SIGLECL1: variants seen among roughly 807,000 people sequenced by gnomAD.
The protein encoded by SIGLECL1 is SIGLEC family-like protein 1.
A neutral mutation model predicts 19.1 loss-of-function variants in SIGLECL1; 16 were observed. That is an observed-to-expected ratio of 0.84 (90% CI 0.57 to 1.27). SIGLECL1 has a LOEUF of 1.27. Ranked by LOEUF, SIGLECL1 falls within the 50% of genes most tolerant of loss-of-function variation. The pLI is 0.00. For missense variants in SIGLECL1, 210 were observed against 239.4 expected, an observed-to-expected ratio of 0.88 and a Z score of 0.81; for synonymous variants, 89 against 90.4, an observed-to-expected ratio of 0.98 and a Z score of 0.09.
chr19:51,250,720 A>C (rs1982429662), upstream of SIGLECL1, among the ~76,000 whole-genome samples: 2 of 152,204 alleles, frequency 1.3e-5, no homozygotes, highest in Admixed American at 1.3e-4. Context: ...GCTGGGAAGA[A>C]AATTGGCCCA....
At position 51,251,098 on chromosome 19, in the gene SIGLECL1, G is replaced by C. The variant is rs372750726; in HGVS notation, c.-638G>C. ...GGTGGATGCACTCACCTAAGGATGC[G>C]AGCTAGCAGGTCTTGCAGCGGCTAT... On this transcript the variant is annotated 5_prime_UTR_variant, in exon 1 of 6. Transcript: ENST00000601727. 2.6e-5 allele frequency: 4 copies of C among 152,352 alleles called. No individual in the cohort carries two copies. The highest frequency in any genetic ancestry group is 1.3e-4 in the Admixed American group (2 of 15,300). 9.4% of individuals were successfully genotyped at this position (152,352 alleles called of 1,614,324 possible).
chr19:51,265,479 C>T lies in SIGLECL1; in HGVS notation c.134C>T (p.Pro45Leu). The change falls in exon 3 of 6, where the codon CCC becomes CTC. Residue 45 changes from proline (P) to leucine (L), a missense_variant. Pro to Leu is a moderately conservative substitution (Grantham distance 98). Coordinates refer to ENST00000601727, the MANE Select transcript of SIGLECL1 (RefSeq NM_001385465.1). ...PSVQWWMGGVPVGVDGMDGSL... is the reference protein window; with the variant it reads ...PSVQWWMGGVLVGVDGMDGSL... ...GTGCAGTGGTGGATGGGAGGAGTCC[C>T]CGTGGGTGTGGATGGCATGGATGGC... 6.2e-7 allele frequency: 1 copy of T among 1,614,130 alleles called. No homozygotes were observed. The highest frequency in any genetic ancestry group is 8.5e-7 in the Non-Finnish European group (1 of 1,180,040).
chr19:51,246,497 G>A (rs1982262719), upstream of SIGLECL1: 1 of 152,102 alleles, frequency 6.6e-6, no homozygotes, highest in Admixed American at 6.5e-5. Context: ...GTGGTGGTTA[G>A]GGGAGGGTGT....
chr19:51,268,254 G>T (rs1189165917), intron 5 of SIGLECL1, among the ~76,000 whole-genome samples: 1 of 152,172 alleles, frequency 6.6e-6, no homozygotes, highest in Non-Finnish European at 1.5e-5. Context: ...TTCACAGTAG[G>T]GGATGCTGAG....
Position 51,265,348 on chromosome 19 carries a change from C to T in SIGLECL1, c.23-20C>T. On this transcript the variant is annotated intron_variant, in intron 2 of 5. Transcript: ENST00000601727. The stretch of plus-strand genomic sequence containing the variant: ...GGAAGCCAGGATGCCTTGCTGACTC[C>T]TGACCCTTCCTCCCCACAGTACCTG... 1 of 1,588,848 alleles carries T rather than the reference C, an allele frequency of 6.3e-7. No individual in the cohort carries two copies. Among genetic ancestry groups the T allele is most frequent in the South Asian group, 1.1e-5 (1 of 89,034 alleles).
At chr19:51,263,742 A>G (rs905070164) in intron 1 of SIGLECL1, 141 bp from the exon 2 acceptor site, 5 of 198,342 alleles carry the variant, frequency 2.5e-5, no homozygotes, top group African/African-American at 1.2e-4. Flanking sequence ...TGGGCGACAG[A>G]GTAAGATTCC....
At chr19:51,267,701 G>A (rs1983783245) in intron 5 of SIGLECL1, among the ~76,000 whole-genome samples, 172 bp downstream of exon 5, 1 of 152,106 alleles carries the variant, frequency 6.6e-6, no homozygotes, top group Non-Finnish European at 1.5e-5. Context: ...GGCCCAGAGA[G>A]GAGAAGGATG....
upstream of SIGLECL1, among the ~76,000 whole-genome samples, chr19:51,247,862 C>A (rs895905151): frequency 6.6e-6 from 1 of 152,208 alleles, no homozygotes. Flanking sequence ...TAATCCTGAA[C>A]GGGTCCTGTT....
At chr19:51,262,848 G>A (rs1983333447) in intron 1 of SIGLECL1, among the ~76,000 whole-genome samples, 1 of 151,984 alleles carries the variant, frequency 6.6e-6, no homozygotes, top group African/African-American at 2.4e-5. Flanking sequence ...TTATCCTTGT[G>A]TCAATACCAT....
upstream of SIGLECL1, among the ~76,000 whole-genome samples, chr19:51,247,839 A>G (rs1599785719): frequency 3.9e-5 from 6 of 152,366 alleles, no homozygotes; most frequent in African/African-American, 1.4e-4. Context: ...CAAGACCCCC[A>G]GTAAAACTTG....
chr19:51,254,366 C>T (rs1982674676), intron 1 of SIGLECL1, among the ~76,000 whole-genome samples: 1 of 150,614 alleles, frequency 6.6e-6, no homozygotes, highest in Non-Finnish European at 1.5e-5. Flanking sequence ...TCACAGTATC[C>T]AAATAGTAGA....
intron 1 of SIGLECL1, among the ~76,000 whole-genome samples, chr19:51,258,100 TA>T (rs1168300434): frequency 1.3e-5 from 2 of 152,224 alleles, no homozygotes; most frequent in Non-Finnish European, 2.9e-5. Context: ...ATCACGAGTA[TA>T]ACAGCTTTCA....
At position 51,269,278 on chromosome 19, in the gene SIGLECL1, C is replaced by CT. The variant is rs1203981038; in HGVS notation, c.*685dup. ...GGGACTTTGTCTGCCTTGTTTTCTA[C>CT]TTTTATCACCAGCACCCAGAATGAT... is the stretch of plus-strand genomic sequence containing the variant. On this transcript the variant is annotated 3_prime_UTR_variant, in exon 6 of 6. Coordinates refer to ENST00000601727, the MANE Select transcript of SIGLECL1 (RefSeq NM_001385465.1). 1 of 152,178 alleles carries CT rather than the reference C, an allele frequency of 6.6e-6. No homozygotes were observed. The highest frequency in any genetic ancestry group is 1.5e-5 in the Non-Finnish European group (1 of 68,054). 9.4% of individuals were successfully genotyped at this position (152,178 alleles called of 1,614,324 possible). A position where few individuals can be genotyped will look rare whatever the true frequency, so the allele number is the denominator to read the frequency against.
chr19:51,251,599 G>T (rs1204127701), intron 1 of SIGLECL1, 54 bp downstream of exon 1: 3 of 150,880 alleles, frequency 2.0e-5, no homozygotes, highest in Non-Finnish European at 2.9e-5. Context: ...ATGAGTCAAC[G>T]GTTAGTCCCT....
At chr19:51,261,284 GT>G (rs899157424) in intron 1 of SIGLECL1, among the ~76,000 whole-genome samples, 1 of 151,808 alleles carries the variant, frequency 6.6e-6, no homozygotes, top group South Asian at 2.1e-4. Context: ...TCATTCTTTG[GT>G]TTTTTCTTTT....
At chr19:51,266,947 G>C (rs951029538) in intron 4 of SIGLECL1, among the ~76,000 whole-genome samples, 4 of 152,102 alleles carry the variant, frequency 2.6e-5, no homozygotes, top group African/African-American at 9.7e-5. Context: ...GGAAGCTGGT[G>C]CAGGGGACTA....
At position 51,263,839 on chromosome 19, in the gene SIGLECL1, C is replaced by T. The variant is rs111452194; in HGVS notation, c.-190-44C>T. The T allele has an allele frequency of 5.8e-4, 272 of 465,480 alleles. 1 individual carries two copies. Among genetic ancestry groups the T allele is most frequent in the African/African-American group, 4.9e-3 (244 of 49,582 alleles). The allele number at this position is 465,480 out of a possible 1,614,324, so 28.8% of individuals were successfully genotyped here. The stretch of plus-strand genomic sequence containing the variant: ...AATCTTAGTTGCCTCCCTGTCCGTA[C>T]GTGCTCATGAGCCTCTCATCCCATA... On this transcript the variant is annotated intron_variant, in intron 1 of 5. Coordinates refer to ENST00000601727, the MANE Select transcript of SIGLECL1 (RefSeq NM_001385465.1).
intron 1 of SIGLECL1, among the ~76,000 whole-genome samples, chr19:51,253,582 G>T (rs576216256): frequency 6.6e-6 from 1 of 152,218 alleles, no homozygotes; most frequent in African/African-American, 2.4e-5. Flanking sequence ...AGGAAGTAGC[G>T]ACAAAGATTA....
chr19:51,259,974 C>A (rs958514776), intron 1 of SIGLECL1, among the ~76,000 whole-genome samples: 7 of 152,170 alleles, frequency 4.6e-5, no homozygotes, highest in Admixed American at 4.6e-4. Context: ...CTGAGGAAGG[C>A]AAAAACAAGT....
Sources: gnomAD v4.1 joint callset for allele counts (sites outside exome capture counted in the v4.1 genomes callset) on GRCh38, gnomAD v4.1.1 for gene constraint, MANE v1.5 for transcripts, NCBI Gene and HGNC (gene_info 2026-07-23, HGNC 2026-07-21) for gene names.